The following PLCE1 variants were observed in gnomAD, a reference collection of about 807,000 sequenced individuals.
PLCE1 encodes the protein 1-phosphatidylinositol 4,5-bisphosphate phosphodiesterase epsilon-1.
A neutral mutation model predicts 242.8 loss-of-function variants in PLCE1; 119 were observed. That is an observed-to-expected ratio of 0.49 (90% CI 0.42 to 0.57). The LOEUF (loss-of-function observed/expected upper bound fraction) is 0.57. Among genes scored for constraint, PLCE1 ranks in the 20% least tolerant of loss-of-function variants. PLCE1 has a pLI of 0.00. For missense variants in PLCE1, 2,441 were observed against 2,788.8 expected (o/e 0.88, Z 2.81); for synonymous variants, 945 against 1,017.4 (o/e 0.93, Z 1.35).
At chr10:94,040,249 C>T (rs1007679298) in intron 2 of PLCE1, among the ~76,000 whole-genome samples, 3 of 152,234 alleles carry the variant, frequency 2.0e-5, no homozygotes, top group Admixed American at 2.0e-4. Context: ...CGCCACTGTG[C>T]CTGGCTCCAA....
At chr10:94,259,285 ATTTT>A in intron 13 of PLCE1, 135 bp downstream of exon 13, 23 of 729,016 alleles carry the variant, frequency 3.2e-5, no homozygotes, top group East Asian at 8.7e-5. Flanking sequence ...ACTTAAGAGA[ATTTT>A]TTTTTTTTTT....
chr10:94,252,946 C>T (rs1223832635), intron 9 of PLCE1, among the ~76,000 whole-genome samples: 1 of 152,138 alleles, frequency 6.6e-6, no homozygotes, highest in African/African-American at 2.4e-5. Context: ...CAAGGAAGCA[C>T]ATGCTGTTCT....
intron 3 of PLCE1, among the ~76,000 whole-genome samples, chr10:94,163,350 T>G (rs1249082181): frequency 2.0e-5 from 3 of 152,196 alleles, no homozygotes; most frequent in Non-Finnish European, 4.4e-5. Context: ...CTGTATTGGG[T>G]GCACATGTAT....
At chr10:94,062,904 G>A (rs1253171640) in intron 2 of PLCE1, among the ~76,000 whole-genome samples, 8 of 152,216 alleles carry the variant, frequency 5.3e-5, no homozygotes, top group Admixed American at 3.3e-4. Flanking sequence ...GATTCTATTA[G>A]CAGATCCCTA....
rs115808454 is a variant in PLCE1 at position 94,153,259 on chromosome 10, A to G, written c.1493-17921A>G. 4.9e-3 allele frequency among the ~76,000 whole-genome samples: 739 copies of G among 152,314 alleles called. 7 individuals are homozygous for G. The highest frequency in any genetic ancestry group is 0.017 in the African/African-American group (699 of 41,572). ...TATATTCATATAAAAATGAATGTAGAGTTAAACATGAAAATCAATCAATGC... is the reference window on the plus strand; with the variant it reads ...TATATTCATATAAAAATGAATGTAGGGTTAAACATGAAAATCAATCAATGC... On this transcript the variant is annotated intron_variant, in intron 3 of 32. Transcript: ENST00000371380.
intron 4 of PLCE1, among the ~76,000 whole-genome samples, chr10:94,207,666 A>T (rs534661958): frequency 1.3e-5 from 2 of 152,236 alleles, no homozygotes; most frequent in South Asian, 4.1e-4. Flanking sequence ...ACCATTCTTT[A>T]CTAAAAAGAA....
intron 2 of PLCE1, among the ~76,000 whole-genome samples, chr10:94,069,461 A>G (rs373215452): frequency 6.6e-6 from 1 of 152,076 alleles, no homozygotes; most frequent in Non-Finnish European, 1.5e-5. Flanking sequence ...CACACACACA[A>G]AAATAACCAG....
intron 19 of PLCE1, among the ~76,000 whole-genome samples, chr10:94,274,114 C>A (rs2051853448): frequency 6.6e-6 from 1 of 152,144 alleles, no homozygotes; most frequent in African/African-American, 2.4e-5. Flanking sequence ...AAGCCATAGC[C>A]CTGTGATCCC....
At chr10:94,268,319 A>T in intron 16 of PLCE1, among the ~76,000 whole-genome samples, 1 of 152,186 alleles carries the variant, frequency 6.6e-6, no homozygotes, top group East Asian at 1.9e-4. Context: ...GGAGAAAGGA[A>T]CCATTTATGG....
chr10:94,133,820 G>A (rs1204903619), intron 3 of PLCE1, among the ~76,000 whole-genome samples: 1 of 152,144 alleles, frequency 6.6e-6, no homozygotes, highest in Non-Finnish European at 1.5e-5. Flanking sequence ...TTAGGTGCTG[G>A]AAAAGGAACA....
At chr10:94,176,517 T>TA (rs1314077566) in intron 4 of PLCE1, among the ~76,000 whole-genome samples, 2 of 152,230 alleles carry the variant, frequency 1.3e-5, no homozygotes, top group African/African-American at 4.8e-5. Flanking sequence ...ATTGATGTTA[T>TA]AAGCCCATAC....
chr10:94,184,149 T>G (rs1451052547), intron 4 of PLCE1, among the ~76,000 whole-genome samples: 6 of 152,224 alleles, frequency 3.9e-5, no homozygotes, highest in Admixed American at 3.3e-4. Flanking sequence ...AGCACTGCTT[T>G]CATGCTGACA....
chr10:94,168,427 A>G lies in PLCE1; in HGVS notation c.1493-2753A>G, dbSNP rs182092481. Among the ~76,000 whole-genome samples the G allele has an allele frequency of 1.6e-3, 251 of 152,348 alleles. 1 individual carries two copies. The highest frequency in any genetic ancestry group is 4.4e-3 in the African/African-American group (185 of 41,598). On this transcript the variant is annotated intron_variant, in intron 3 of 32. Transcript: ENST00000371380. Reference sequence around the variant, plus strand: ...GTATTCCAGCTTTAAGGAAACCTACATGAAAGGTTGACATTGTTTCAAAGC... The same window carrying G: ...GTATTCCAGCTTTAAGGAAACCTACGTGAAAGGTTGACATTGTTTCAAAGC...
At chr10:94,122,666 T>C (rs1046901658) in intron 2 of PLCE1, among the ~76,000 whole-genome samples, 2 of 152,102 alleles carry the variant, frequency 1.3e-5, no homozygotes, top group Non-Finnish European at 1.5e-5. Flanking sequence ...TAGCTTCCAT[T>C]CTAGAAGGGA....
intron 1 of PLCE1, among the ~76,000 whole-genome samples, chr10:94,030,108 T>C (rs532846235): frequency 1.3e-5 from 2 of 152,318 alleles, no homozygotes; most frequent in East Asian, 1.9e-4. Context: ...TGACAGTAGT[T>C]TTTCTTTCAG....
intron 2 of PLCE1, chr10:94,096,990 G>A (rs1471623053): frequency 1.3e-5 from 2 of 152,148 alleles, no homozygotes; most frequent in Non-Finnish European, 2.9e-5. Context: ...TGGGCACAAG[G>A]TATTGTGGCT....
chr10:94,184,480 C>A (rs761143382), intron 4 of PLCE1, among the ~76,000 whole-genome samples: 1 of 152,220 alleles, frequency 6.6e-6, no homozygotes, highest in Non-Finnish European at 1.5e-5. Context: ...CAGGCACCTG[C>A]CACCATGCCC....
At position 94,236,239 on chromosome 10, in the gene PLCE1, C is replaced by T. The variant is rs1017789459; in HGVS notation, c.2420+119C>T. The T allele has an allele frequency of 4.0e-6, 3 of 754,760 alleles. No individual in the cohort carries two copies. In the African/African-American group the frequency reaches 5.2e-5, roughly 13 times the overall value. 46.8% of individuals were successfully genotyped at this position (754,760 alleles called of 1,614,324 possible). ...CCTCATCAAAACCTGCCACTTTTAT[C>T]ATTAAGCCACACTTCTTTATCTTCA... On this transcript the variant is annotated intron_variant, in intron 7 of 32. Transcript: ENST00000371380.
chr10:94,089,809 G>T (rs1388852199), intron 2 of PLCE1, among the ~76,000 whole-genome samples: 3 of 152,028 alleles, frequency 2.0e-5, no homozygotes, highest in African/African-American at 7.2e-5. Context: ...GATTTGGTTT[G>T]TTGCTTTCTT....
Sources: gnomAD v4.1 joint callset for allele counts (sites outside exome capture counted in the v4.1 genomes callset) on GRCh38, gnomAD v4.1.1 for gene constraint, MANE v1.5 for transcripts, NCBI Gene and HGNC (gene_info 2026-07-23, HGNC 2026-07-21) for gene names.